The following FLVCR2 variants were observed in gnomAD, a reference collection of about 807,000 sequenced individuals.
The protein encoded by FLVCR2 is FLVCR choline and putative heme transporter 2.
In FLVCR2, 38 loss-of-function variants were observed where a neutral mutation model predicts 48.9. The ratio of observed to expected loss-of-function variants is 0.78; its 90% CI spans 0.60 to 1.02. FLVCR2 has a LOEUF of 1.02. FLVCR2 is among the 50% of genes least tolerant of loss of function. The probability of loss-of-function intolerance (pLI) is 0.00; values close to 1 mark genes in which losing one functional copy is unlikely to be tolerated. For synonymous variants in FLVCR2, 255 were observed against 257.0 expected (o/e 0.99, Z 0.07); for missense variants, 664 against 663.3 (o/e 1.00, Z -0.01).
chr14:75,635,064 T>G (rs746481993), intron 5 of FLVCR2, 51 bp downstream of exon 5: 8 of 1,205,522 alleles, frequency 6.6e-6, no homozygotes, highest in Non-Finnish European at 9.8e-6. Context: ...TTTTTTGAAA[T>G]GACATATTCA....
At chr14:75,604,695 G>C (rs1889248032) in intron 1 of FLVCR2, among the ~76,000 whole-genome samples, 2 of 152,172 alleles carry the variant, frequency 1.3e-5, no homozygotes, top group Admixed American at 1.3e-4. Context: ...AATACTACCG[G>C]ACATTGCCCC....
At chr14:75,583,652 A>T (rs1022606073) in intron 1 of FLVCR2, among the ~76,000 whole-genome samples, 9 of 152,320 alleles carry the variant, frequency 5.9e-5, no homozygotes, top group Admixed American at 5.9e-4. Context: ...CTCGGACCTA[A>T]TAAGGGAACT....
chr14:75,598,930 C>T (rs1474509719), intron 1 of FLVCR2, among the ~76,000 whole-genome samples: 2 of 152,230 alleles, frequency 1.3e-5, no homozygotes, highest in African/African-American at 4.8e-5. Flanking sequence ...TGGCTCTGCT[C>T]TGACCACTGA....
intron 1 of FLVCR2, among the ~76,000 whole-genome samples, chr14:75,606,200 A>AT (rs756584640): frequency 7.6e-4 from 116 of 151,938 alleles, no homozygotes; most frequent in Non-Finnish European, 1.1e-3. Flanking sequence ...CAATTTTTGT[A>AT]TTTTTTTGTA....
chr14:75,601,062 G>A (rs1359520228), intron 1 of FLVCR2, among the ~76,000 whole-genome samples: 4 of 152,202 alleles, frequency 2.6e-5, no homozygotes, highest in Non-Finnish European at 5.9e-5. Context: ...TCAGAGCCGA[G>A]AACCCCCAAC....
chr14:75,623,584 T>C (rs1420055166), intron 2 of FLVCR2, among the ~76,000 whole-genome samples: 1 of 152,118 alleles, frequency 6.6e-6, no homozygotes, highest in African/African-American at 2.4e-5. Context: ...ATTGCATTGT[T>C]CCCCACCAAG....
At chr14:75,630,603 C>T (rs1360899071) in intron 3 of FLVCR2, among the ~76,000 whole-genome samples, 1 of 152,098 alleles carries the variant, frequency 6.6e-6, no homozygotes, top group Non-Finnish European at 1.5e-5. Flanking sequence ...CACCTGTAAT[C>T]CCAGCACTTT....
At chr14:75,643,824 T>C (rs1011517389) in intron 9 of FLVCR2, among the ~76,000 whole-genome samples, 1 of 152,192 alleles carries the variant, frequency 6.6e-6, no homozygotes, top group Non-Finnish European at 1.5e-5. Flanking sequence ...CTCATGCCTG[T>C]AATCCCAGTA....
intron 3 of FLVCR2, chr14:75,632,552 C>T (rs1890071789): frequency 1.7e-5 from 12 of 696,196 alleles, no homozygotes; most frequent in South Asian, 1.5e-4. Context: ...TTCCCTTGCA[C>T]CTTAGCCATC....
chr14:75,641,096 G>A, intron 7 of FLVCR2, 36 bp downstream of exon 7: 1 of 1,583,062 alleles, frequency 6.3e-7, no homozygotes, highest in Non-Finnish European at 8.7e-7. Flanking sequence ...TCCTGGCTGG[G>A]AAGGCATTGC....
chr14:75,596,057 G>A (rs1889011005), intron 1 of FLVCR2: 4 of 1,260,026 alleles, frequency 3.2e-6, no homozygotes, highest in Non-Finnish European at 2.3e-6. Flanking sequence ...CATCCAGTGT[G>A]GTCTTGTACA....
At chr14:75,629,178 G>C (rs957853713) in intron 3 of FLVCR2, among the ~76,000 whole-genome samples, 1 of 152,102 alleles carries the variant, frequency 6.6e-6, no homozygotes, top group Non-Finnish European at 1.5e-5. Context: ...AGGGTTGAGA[G>C]ATAAAATAAA....
At chr14:75,591,695 C>T (rs1301336580) in intron 1 of FLVCR2, among the ~76,000 whole-genome samples, 1 of 151,870 alleles carries the variant, frequency 6.6e-6, no homozygotes, top group Non-Finnish European at 1.5e-5. Context: ...GAGTCCTCTG[C>T]TGTGGCCTCA....
Position 75,578,940 on chromosome 14 carries a change from C to G in FLVCR2, c.-33C>G. On this transcript the variant is annotated 5_prime_UTR_variant, in exon 1 of 10. Transcript: ENST00000238667. Reference sequence around the variant, plus strand: ...CCCTTAAGACTGCCGGAGTCCTCACCACTTCTCCAGGATTCCAGAGGAGAC... The same window carrying G: ...CCCTTAAGACTGCCGGAGTCCTCACGACTTCTCCAGGATTCCAGAGGAGAC... The G allele has an allele frequency of 6.2e-7, 1 of 1,609,164 alleles. No homozygotes were observed. The highest frequency in any genetic ancestry group is 8.5e-7 in the Non-Finnish European group (1 of 1,175,512).
intron 1 of FLVCR2, among the ~76,000 whole-genome samples, chr14:75,588,759 G>C (rs190591248): frequency 6.6e-6 from 1 of 152,146 alleles, no homozygotes; most frequent in African/African-American, 2.4e-5. Flanking sequence ...GATTACAGGC[G>C]TGAGCCACTG....
At chr14:75,592,097 T>G (rs533402511) in intron 1 of FLVCR2, among the ~76,000 whole-genome samples, 47 of 151,942 alleles carry the variant, frequency 3.1e-4, no homozygotes, top group African/African-American at 1.0e-3. Flanking sequence ...TCCTAAAGAG[T>G]TGGGATTTCA....
intron 1 of FLVCR2, among the ~76,000 whole-genome samples, chr14:75,616,026 C>CAAAAAAAAAAAAAAAAAA: frequency 3.9e-5 from 1 of 25,632 alleles, no homozygotes; most frequent in Non-Finnish European, 6.5e-5. Flanking sequence ...GACTCCATCT[C>CAAAAAAAAAAAAAAAAAA]AAAAAAAAAA....
intron 1 of FLVCR2, among the ~76,000 whole-genome samples, chr14:75,599,926 G>A (rs1889122445): frequency 6.6e-6 from 1 of 152,142 alleles, no homozygotes; most frequent in African/African-American, 2.4e-5. Flanking sequence ...CCCTTGTGTT[G>A]TCAGAGGCGT....
At chr14:75,610,928 T>G (rs1360928531) in intron 1 of FLVCR2, among the ~76,000 whole-genome samples, 1 of 152,216 alleles carries the variant, frequency 6.6e-6, no homozygotes, top group Non-Finnish European at 1.5e-5. Context: ...CAGAGCAGCC[T>G]GGAAAGACTT....
Sources: gnomAD v4.1 joint callset for allele counts (sites outside exome capture counted in the v4.1 genomes callset) on GRCh38, gnomAD v4.1.1 for gene constraint, MANE v1.5 for transcripts, NCBI Gene and HGNC (gene_info 2026-07-23, HGNC 2026-07-21) for gene names.